FCRL5: variants seen among roughly 807,000 people sequenced by gnomAD.
The protein encoded by FCRL5 is Fc receptor like 5, also known as Fc receptor-like protein 5.
In FCRL5, 79 loss-of-function variants were observed where a neutral mutation model predicts 92.1. That is an observed-to-expected ratio of 0.86 (90% CI 0.72 to 1.03). The LOEUF (loss-of-function observed/expected upper bound fraction) is 1.03, where lower values mean the gene tolerates loss of function less well. Ranked by LOEUF, FCRL5 falls within the 50% of genes least tolerant of loss-of-function variation. The pLI is 0.00. For missense variants in FCRL5, 1,160 were observed against 1,181.1 expected, an observed-to-expected ratio of 0.98 and a Z score of 0.26; for synonymous variants, 466 against 469.3, an observed-to-expected ratio of 0.99 and a Z score of 0.09.
In FCRL5 at chr1:157,524,567, G is replaced by GA; in HGVS notation, c.1961-11dup. The GA allele has an allele frequency of 6.4e-7, 1 of 1,567,916 alleles. No individual in the cohort carries two copies. Among genetic ancestry groups the GA allele is most frequent in the Non-Finnish European group, 8.6e-7 (1 of 1,156,478 alleles). The stretch of plus-strand genomic sequence containing the variant: ...GGACGAGATACTGGAACTGAGGGAG[G>GA]AAAAACGTTATGTATCAGCTGCTTC... On this transcript the variant is annotated splice_polypyrimidine_tract_variant and intron_variant, in intron 9 of 16. Coordinates refer to ENST00000361835, the MANE Select transcript of FCRL5 (RefSeq NM_031281.3).
chr1:157,534,023 A>G (rs1571093391), intron 8 of FCRL5: 1 of 187,074 alleles, frequency 5.3e-6, no homozygotes, highest in East Asian at 1.4e-4. Context: ...TCGTACACAT[A>G]CAATTTGCAC....
intron 8 of FCRL5, chr1:157,532,548 CA>C (rs1013737073): frequency 7.2e-5 from 11 of 152,182 alleles, no homozygotes; most frequent in Non-Finnish European, 1.3e-4. Context: ...TTCTTTGTTA[CA>C]TTTTTTTTAC....
chr1:157,518,324 G>T, intron 15 of FCRL5, 105 bp downstream of exon 15: 1 of 932,740 alleles, frequency 1.1e-6, no homozygotes, highest in Non-Finnish European at 1.7e-6. Flanking sequence ...CCAGTGGGAG[G>T]GGCGGCTCTA....
chr1:157,535,039 G>C (rs1157342389), intron 7 of FCRL5, 147 bp from the exon 8 acceptor site: 5 of 618,966 alleles, frequency 8.1e-6, no homozygotes, highest in Non-Finnish European at 1.3e-5. Context: ...TCAGGTTTCT[G>C]TGACCAGCCC....
At position 157,551,777 on chromosome 1, in the gene FCRL5, A is replaced by G. The variant is rs192419371; in HGVS notation, c.31+555T>C. ...ACGTACACCCACAGGGACAAAGAGA[A>G]AGTCATATGCTTTAGATTTATCCTT... On this transcript the variant is annotated intron_variant, in intron 1 of 16. Transcript: ENST00000361835. 2.3e-4 allele frequency among the ~76,000 whole-genome samples: 35 copies of G among 152,368 alleles called. 1 individual carries two copies. In the East Asian group the frequency reaches 6.7e-3, roughly 29 times the overall value.
intron 6 of FCRL5, among the ~76,000 whole-genome samples, chr1:157,541,269 C>A (rs910925162): frequency 3.9e-5 from 6 of 152,202 alleles, no homozygotes; most frequent in African/African-American, 4.8e-5. Context: ...ACTGGACGCT[C>A]TCTTGATGAA....
intron 15 of FCRL5, among the ~76,000 whole-genome samples, chr1:157,517,195 G>A (rs1041529893): frequency 5.9e-5 from 9 of 152,200 alleles, no homozygotes; most frequent in African/African-American, 2.2e-4. Context: ...AGTGAGGGTT[G>A]ATGACATAGC....
chr1:157,539,005 G>A, intron 7 of FCRL5, 81 bp downstream of exon 7: 2 of 1,430,384 alleles, frequency 1.4e-6, no homozygotes, highest in Non-Finnish European at 1.9e-6. Context: ...GATACTAGAA[G>A]GTACACGCTG....
At chr1:157,533,024 T>C (rs1361581577) in intron 8 of FCRL5, 1 of 152,192 alleles carries the variant, frequency 6.6e-6, no homozygotes, top group Non-Finnish European at 1.5e-5. Flanking sequence ...AGTCTGGACC[T>C]CCTCTCTCTT....
rs781781694 is a variant in FCRL5, at chr1:157,519,784, C to G, written c.2633-14G>C. On this transcript the variant is annotated splice_polypyrimidine_tract_variant and intron_variant, in intron 12 of 16. Transcript: ENST00000361835. ...CAGGCTTTCTCCCTGTAAAGGAAAGCAGAGGAGCATTGGATTCAGGAAGAT... is the reference window on the plus strand; with the variant it reads ...CAGGCTTTCTCCCTGTAAAGGAAAGGAGAGGAGCATTGGATTCAGGAAGAT... 6.2e-7 allele frequency: 1 copy of G among 1,613,796 alleles called. No homozygotes were observed. The highest frequency in any genetic ancestry group is 8.5e-7 in the Non-Finnish European group (1 of 1,179,960).
chr1:157,551,238 AC>A (rs963303849), intron 1 of FCRL5, among the ~76,000 whole-genome samples: 9 of 151,974 alleles, frequency 5.9e-5, no homozygotes, highest in African/African-American at 1.9e-4. Flanking sequence ...ATCCTGTTTG[AC>A]CCCAGAGCCC....
Position 157,518,785 on chromosome 1 carries a change from G to A in FCRL5, c.2661-3C>T. ...GGGAGTCCGAGTCTGAAGGGCTCCT[G>A]TGAGACAGAGAAATGTGAATGTTTC... is the stretch of plus-strand genomic sequence containing the variant. On this transcript the variant is annotated splice_polypyrimidine_tract_variant and splice_region_variant and intron_variant, in intron 13 of 16. Transcript: ENST00000361835. 1 of 1,608,196 alleles carries A rather than the reference G, an allele frequency of 6.2e-7. No homozygotes were observed. Among genetic ancestry groups the A allele is most frequent in the Non-Finnish European group, 8.5e-7 (1 of 1,176,344 alleles).
Position 157,539,276 on chromosome 1 carries a change from C to T in FCRL5, c.1212G>A (p.Gln404=). 1 of 1,614,186 alleles carries T rather than the reference C, an allele frequency of 6.2e-7. No homozygotes were observed. Among genetic ancestry groups the T allele is most frequent in the Non-Finnish European group, 8.5e-7 (1 of 1,180,032 alleles). ...GAKVTLHCEA[Q]RGSLPILYQF... is the part of the protein sequence containing the mutation. ...GGTACAGGATGGGGAGTGAACCTCT[C>T]TGGGCTTCACAGTGAAGTGTCACCT... Residue 404 remains glutamine, a synonymous_variant, in exon 7 of 17, where the codon CAG becomes CAA. Transcript: ENST00000361835.
chr1:157,515,628 A>T lies in FCRL5; in HGVS notation c.*47T>A. ...CAATGCTGCTTCTCCCCCAAGGGGA[A>T]CTTTGGGGTGCAGAGGCTGAAACAG... On this transcript the variant is annotated 3_prime_UTR_variant, in exon 17 of 17. Transcript: ENST00000361835. The T allele has an allele frequency of 1.9e-6, 3 of 1,614,090 alleles. No homozygotes were observed. The highest frequency in any genetic ancestry group is 2.5e-6 in the Non-Finnish European group (3 of 1,179,996).
At chr1:157,542,836 A>T in intron 6 of FCRL5, 23 bp downstream of exon 6, 1 of 1,598,472 alleles carries the variant, frequency 6.3e-7, no homozygotes, top group Admixed American at 1.7e-5. Flanking sequence ...GGGGTGGGTG[A>T]TTGGCAGGAA....
Position 157,543,017 on chromosome 1 carries a change from T to C in FCRL5, c.965A>G (p.Tyr322Cys). The C allele has an allele frequency of 1.2e-6, 2 of 1,614,230 alleles. No individual in the cohort carries two copies. Residue 322 changes from tyrosine to cysteine, a missense_variant, in exon 6 of 17, where the codon TAT becomes TGT. Physicochemically the swap from Tyr to Cys is radical, Grantham distance 194. Transcript: ENST00000361835. The stretch of plus-strand genomic sequence containing the variant: ...GTGCCTCAGGGGGACACCCTCATGA[T>C]AAAACCTGTACAAAGTGCGCAGAGA... ...EDSLRTLYRF[Y>C]HEGVPLRHKS...
chr1:157,527,890 C>A lies in FCRL5; in HGVS notation c.1687G>T (p.Val563Leu). Residue 563 changes from valine to leucine, a missense_variant, in exon 9 of 17, where the codon GTG becomes TTG. Coordinates refer to ENST00000361835, the MANE Select transcript of FCRL5 (RefSeq NM_031281.3). ...EVVSLFVTVP[V>L]SRPILTLRVP... ...CTGAGGGTGAGGATGGGGCGAGACA[C>A]TGGAACTGAGAGAGAAAATGAGTTA... 1 of 1,565,232 alleles carries A rather than the reference C, an allele frequency of 6.4e-7. No individual in the cohort carries two copies. The highest frequency in any genetic ancestry group is 8.6e-7 in the Non-Finnish European group (1 of 1,158,828).
At chr1:157,545,151 A>G (rs1651470970) in intron 3 of FCRL5, 69 bp from the exon 4 acceptor site, 1 of 1,529,396 alleles carries the variant, frequency 6.5e-7, no homozygotes, top group Non-Finnish European at 8.8e-7. Context: ...TGTTTTTCCA[A>G]GTAGATTTTA....
chr1:157,541,164 G>T (rs1977589), intron 6 of FCRL5, among the ~76,000 whole-genome samples: 109,979 of 152,092 alleles, frequency 0.72, 42,855 homozygotes, highest in South Asian at 0.86. Context: ...CTTGGTGACA[G>T]TGGGGCACAC....
Sources: gnomAD v4.1 joint callset for allele counts (sites outside exome capture counted in the v4.1 genomes callset) on GRCh38, gnomAD v4.1.1 for gene constraint, MANE v1.5 for transcripts, NCBI Gene and HGNC (gene_info 2026-07-23, HGNC 2026-07-21) for gene names.